The following DVL1 variants were observed in gnomAD, a reference collection of about 807,000 sequenced individuals.
DVL1 encodes segment polarity protein dishevelled homolog DVL-1.
In DVL1, 49 loss-of-function variants were observed where a neutral mutation model predicts 65.0. The ratio of observed to expected loss-of-function variants is 0.75; its 90% CI spans 0.60 to 0.96. DVL1 has a LOEUF of 0.96. DVL1 is among the 40% of genes least tolerant of loss of function. The pLI is 0.00. For missense variants in DVL1, 1,197 were observed against 1,045.4 expected (o/e 1.15, Z -2.00); for synonymous variants, 608 against 433.9 (o/e 1.40, Z -4.99).
intron 14 of DVL1, 43 bp downstream of exon 14, chr1:1,337,922 TGGGGCGGAGCTG>T (rs765532309): frequency 2.1e-4 from 295 of 1,396,512 alleles, no homozygotes; most frequent in Admixed American, 1.3e-3. Flanking sequence ...AGCAGTGGAG[TGGGGCGGAGCTG>T]GGGGCGGAGC....
In DVL1 at chr1:1,335,795, A is replaced by G. The variant is rs307373; in HGVS notation, c.*347T>C. 0.96 allele frequency: 310,722 copies of G among 322,282 alleles called. 149,941 individuals carry two copies. The highest frequency in any genetic ancestry group is 0.99 in the African/African-American group (44,816 of 45,356). 20.0% of individuals were successfully genotyped at this position (322,282 alleles called of 1,614,324 possible). ...TGTGCACCGCAGGGGGTTGCCCCGC[A>G]TGGACCACCCTGGGGGCCTGGGCAC... On this transcript the variant is annotated 3_prime_UTR_variant, in exon 15 of 15. Coordinates refer to ENST00000378888, the MANE Select transcript of DVL1 (RefSeq NM_001330311.2).
At chr1:1,347,093 GC>G (rs1371406422) in intron 1 of DVL1, among the ~76,000 whole-genome samples, 3 of 152,054 alleles carry the variant, frequency 2.0e-5, no homozygotes, top group African/African-American at 7.2e-5. Context: ...ACAGAGCAAG[GC>G]CCCCATCCCA....
intron 1 of DVL1, among the ~76,000 whole-genome samples, chr1:1,345,861 A>G (rs757631122): frequency 1.3e-5 from 2 of 152,224 alleles, no homozygotes; most frequent in Non-Finnish European, 2.9e-5. Context: ...GCCCCAGGTC[A>G]GGGCCCTCAG....
chr1:1,340,612 C>G (rs774519456), intron 5 of DVL1, 109 bp from the exon 6 acceptor site: 23 of 1,228,630 alleles, frequency 1.9e-5, no homozygotes, highest in Admixed American at 6.5e-5. Flanking sequence ...AGGCTTGTTC[C>G]AAAGCAGGCT....
chr1:1,337,406 C>A (rs918542658), intron 14 of DVL1, among the ~76,000 whole-genome samples: 1 of 152,200 alleles, frequency 6.6e-6, no homozygotes, highest in Admixed American at 6.5e-5. Context: ...AAACACACCC[C>A]AGCCAGGGGC....
chr1:1,339,445 T>C lies in DVL1; in HGVS notation c.1055-6A>G, dbSNP rs1643707865. On this transcript the variant is annotated splice_region_variant and splice_polypyrimidine_tract_variant and intron_variant, in intron 10 of 14. Coordinates refer to ENST00000378888, the MANE Select transcript of DVL1 (RefSeq NM_001330311.2). ...GATGGGCCGCACCGGGTCAGCTGGG[T>C]GGCCGCCACGTGGCGATGACAGGCG... 2 of 1,329,622 alleles carry C rather than the reference T, an allele frequency of 1.5e-6. No homozygotes were observed. The highest frequency in any genetic ancestry group is 2.0e-6 in the Non-Finnish European group (2 of 1,009,366). 82.4% of individuals were successfully genotyped at this position (1,329,622 alleles called of 1,614,324 possible).
chr1:1,344,665 G>A (rs970877381), intron 1 of DVL1, among the ~76,000 whole-genome samples: 9 of 152,126 alleles, frequency 5.9e-5, no homozygotes, highest in Non-Finnish European at 1.3e-4. Context: ...CCCCACACAG[G>A]AGCCTTCCCA....
At chr1:1,348,823 G>A (rs1643966488) in intron 1 of DVL1, 73 bp downstream of exon 1, 18 of 1,346,146 alleles carry the variant, frequency 1.3e-5, no homozygotes, top group South Asian at 3.0e-5. Context: ...CAGGACCCCC[G>A]CCCCGTCCCC....
At chr1:1,337,079 T>C (rs1249824290) in intron 14 of DVL1, 2 of 987,932 alleles carry the variant, frequency 2.0e-6, no homozygotes, top group Non-Finnish European at 2.4e-6. Flanking sequence ...AGACAAGGGA[T>C]AGCACGAGTT....
Position 1,338,099 on chromosome 1 carries a change from G to A in DVL1, c.1592C>T (p.Pro531Leu), listed in dbSNP as rs199505104. The change falls in exon 14 of 15, where the codon CCC becomes CTC. Residue 531 changes from proline to leucine, a missense_variant. Physicochemically the swap from Pro to Leu is moderately conservative, Grantham distance 98. Coordinates refer to ENST00000378888, the MANE Select transcript of DVL1 (RefSeq NM_001330311.2). ...TLAPLPHPAA[P>L]WPLGQGYPYQ... ...GGGGTAGCCCTGACCCAGAGGCCAG[G>A]GGGCAGCCGGGTGGGGCAGCGGGGC... The A allele has an allele frequency of 1.7e-4, 276 of 1,610,008 alleles. No individual in the cohort carries two copies. Among genetic ancestry groups the A allele is most frequent in the Non-Finnish European group, 2.2e-4 (262 of 1,178,874 alleles).
At position 1,339,342 on chromosome 1, in the gene DVL1, G is replaced by A. The variant is rs1315722105; in HGVS notation, c.1152C>T (p.Ser384=). ...LPRYGTSPCS[S]AVTRTSSSSL... ...AGGAGGAGCTGGTGCGCGTGACGGC[G>A]CTGGAGCAGGGACTCGTACCGTAGC... Residue 384 remains serine (S), a synonymous_variant, in exon 11 of 15, where the codon AGC becomes AGT. Transcript: ENST00000378888. 16 of 1,548,572 alleles carry A rather than the reference G, an allele frequency of 1.0e-5. No homozygotes were observed. Among genetic ancestry groups the A allele is most frequent in the East Asian group, 4.9e-5 (2 of 40,930 alleles).
chr1:1,346,444 G>A (rs558702747), intron 1 of DVL1, among the ~76,000 whole-genome samples: 16 of 152,256 alleles, frequency 1.1e-4, no homozygotes, highest in Non-Finnish European at 8.8e-5. Context: ...CCTCTGCCTC[G>A]GCCCAAGGCT....
intron 14 of DVL1, among the ~76,000 whole-genome samples, chr1:1,336,724 G>A (rs1259550189): frequency 1.3e-4 from 20 of 152,200 alleles, no homozygotes; most frequent in Admixed American, 1.3e-3. Context: ...GGCAGTGGGA[G>A]GCAGGCAGGG....
intron 1 of DVL1, 136 bp downstream of exon 1, chr1:1,348,760 C>T (rs1207867789): frequency 2.8e-6 from 2 of 724,610 alleles, no homozygotes; most frequent in Non-Finnish European, 3.6e-6. Context: ...CCACCCGCGC[C>T]GCATCTAGCG....
At position 1,340,031 on chromosome 1, in the gene DVL1, GAC is replaced by G; in HGVS notation, c.909+5_909+6del. ...TACATGTCACCCCGCAGCCCCCACA[GAC>G]ACACCTGCAGCAACATGTCGCCGGG... On this transcript the variant is annotated splice_donor_5th_base_variant and intron_variant, in intron 8 of 14. Transcript: ENST00000378888. 6.2e-7 allele frequency: 1 copy of G among 1,610,164 alleles called. No individual in the cohort carries two copies. The highest frequency in any genetic ancestry group is 8.5e-7 in the Non-Finnish European group (1 of 1,178,536).
chr1:1,339,946 C>T, intron 8 of DVL1, 92 bp downstream of exon 8: 1 of 1,551,342 alleles, frequency 6.4e-7, no homozygotes, highest in South Asian at 1.2e-5. Context: ...CCCCAGCAGC[C>T]CCTACAGACC....
chr1:1,340,237 G>A lies in DVL1; in HGVS notation c.769+10C>T, dbSNP rs200061154. The stretch of plus-strand genomic sequence containing the variant: ...TGCCCCTGCCCCCAACCCTCGCCCC[G>A]AGGCCTCACCCATGTTGAGCGTGAC... On this transcript the variant is annotated intron_variant, in intron 7 of 14. Transcript: ENST00000378888. 653 of 1,613,766 alleles carry A rather than the reference G, an allele frequency of 4.0e-4. 8 individuals carry two copies. Among genetic ancestry groups the A allele is most frequent in the South Asian group, 3.8e-3 (348 of 91,082 alleles).
Position 1,342,371 on chromosome 1 carries a change from G to T in DVL1, c.354C>A (p.Pro118=), listed in dbSNP as rs752000330. 3.8e-6 allele frequency: 6 copies of T among 1,577,994 alleles called. No individual in the cohort carries two copies. The highest frequency in any genetic ancestry group is 5.2e-6 in the Non-Finnish European group (6 of 1,164,138). Residue 118 remains proline (P), a synonymous_variant, in exon 3 of 15, where the codon CCC becomes CCA. Transcript: ENST00000378888. ...RTGGIGDSRP[P]SFHPNVASSR... is the part of the protein sequence containing the mutation. ...GCCCACGGTGTCCTTACTGGAAGGA[G>T]GGGGGCCGGGAGTCCCCGATGCCGC...
chr1:1,347,428 T>C (rs1643931927), intron 1 of DVL1, among the ~76,000 whole-genome samples: 1 of 152,108 alleles, frequency 6.6e-6, no homozygotes, highest in African/African-American at 2.4e-5. Context: ...AGTCAGGCTG[T>C]CTCTGCCCTG....
Sources: gnomAD v4.1 joint callset for allele counts (sites outside exome capture counted in the v4.1 genomes callset) on GRCh38, gnomAD v4.1.1 for gene constraint, MANE v1.5 for transcripts, NCBI Gene and HGNC (gene_info 2026-07-23, HGNC 2026-07-21) for gene names.